Variants in NRXN1 observed in about 807,000 individuals in gnomAD.
The protein encoded by NRXN1 is neurexin-1.
In NRXN1, 39 loss-of-function variants were observed where a neutral mutation model predicts 150.9. That is an observed-to-expected ratio of 0.26 (90% CI 0.20 to 0.34). NRXN1 has a LOEUF of 0.34. Ranked by LOEUF, NRXN1 falls within the 10% of genes least tolerant of loss-of-function variation. NRXN1 has a pLI of 1.00. For synonymous variants in NRXN1, 924 were observed against 757.0 expected, an observed-to-expected ratio of 1.22 and a Z score of -3.62; for missense variants, 1,815 against 1,949.9, an observed-to-expected ratio of 0.93 and a Z score of 1.30.
rs185463837 is a variant in NRXN1 at position 50,673,317 on chromosome 2, A to T, written c.833-49702T>A. Among the ~76,000 whole-genome samples, 5 of 152,256 alleles carry T rather than the reference A, an allele frequency of 3.3e-5. No individual in the cohort carries two copies. The East Asian group carries it at 9.7e-4, about 29-fold the overall frequency. ...TTAGATCTAATTATTTTTTCTACCA[A>T]TACTAGCAAAAAGTGCTTATTTGCT... On this transcript the variant is annotated intron_variant, in intron 5 of 22. Transcript: ENST00000401669.
intron 2 of NRXN1, among the ~76,000 whole-genome samples, chr2:51,005,827 A>G (rs1452988880): frequency 6.6e-6 from 1 of 151,960 alleles, no homozygotes; most frequent in Non-Finnish European, 1.5e-5. Flanking sequence ...TTCCCCCTTG[A>G]AAAGATACAG....
chr2:50,114,277 T>C (rs1333440335), intron 18 of NRXN1, among the ~76,000 whole-genome samples: 2 of 152,084 alleles, frequency 1.3e-5, no homozygotes, highest in Non-Finnish European at 2.9e-5. Context: ...TCATATATCA[T>C]TAAGGAATTG....
intron 5 of NRXN1, among the ~76,000 whole-genome samples, chr2:50,718,725 A>T (rs1479506246): frequency 6.6e-6 from 1 of 152,170 alleles, no homozygotes; most frequent in African/African-American, 2.4e-5. Flanking sequence ...GTGTGTTTGC[A>T]TTCATGTGCC....
At chr2:50,285,781 C>A (rs138909137) in intron 17 of NRXN1, among the ~76,000 whole-genome samples, 111 of 151,792 alleles carry the variant, frequency 7.3e-4, no homozygotes, top group East Asian at 1.6e-3. Context: ...TTCAACTTTA[C>A]GAAATGATCT....
chr2:50,596,798 G>C (rs1224332472), intron 8 of NRXN1, among the ~76,000 whole-genome samples: 1 of 150,208 alleles, frequency 6.7e-6, no homozygotes, highest in Non-Finnish European at 1.5e-5. Flanking sequence ...TAGTCTGCCT[G>C]GAAAATAAAA....
At chr2:50,318,576 T>C (rs920849191) in intron 17 of NRXN1, among the ~76,000 whole-genome samples, 1 of 152,054 alleles carries the variant, frequency 6.6e-6, no homozygotes, top group African/African-American at 2.4e-5. Flanking sequence ...TGTGATTTTT[T>C]TTCACTCAGT....
rs558188643 is a variant in NRXN1 at position 50,525,748 on chromosome 2, T to A, written c.2374+2877A>T. ...TATCTATAGCTGAAAATAAGCTTTT[T>A]TATTTTTAAATGAAAAGAGGCTCTC... is the stretch of plus-strand genomic sequence containing the variant. On this transcript the variant is annotated intron_variant, in intron 12 of 22. Transcript: ENST00000401669. 5.3e-5 allele frequency among the ~76,000 whole-genome samples: 8 copies of A among 152,358 alleles called. No individual in the cohort carries two copies. In the South Asian group the frequency reaches 1.7e-3, roughly 32 times the overall value.
intron 17 of NRXN1, among the ~76,000 whole-genome samples, chr2:50,386,649 C>T (rs948788440): frequency 2.0e-5 from 3 of 152,090 alleles, no homozygotes; most frequent in African/African-American, 7.2e-5. Flanking sequence ...CTTATGCCCC[C>T]TTGCAACTTC....
At chr2:50,230,352 A>T (rs535240683) in intron 18 of NRXN1, among the ~76,000 whole-genome samples, 1 of 152,216 alleles carries the variant, frequency 6.6e-6, no homozygotes, top group South Asian at 2.1e-4. Context: ...AAATGGGAAA[A>T]ATGGACACGA....
Position 50,346,904 on chromosome 2 carries a change from CGGGCGA to C in NRXN1, c.3365-109940_3365-109935del. The C allele has an allele frequency of 1.6e-6, 2 of 1,283,924 alleles. No individual in the cohort carries two copies. The highest frequency in any genetic ancestry group is 9.8e-7 in the Non-Finnish European group (1 of 1,017,188). 79.5% of individuals were successfully genotyped at this position (1,283,924 alleles called of 1,614,324 possible). On this transcript the variant is annotated intron_variant, in intron 17 of 22. Transcript: ENST00000401669. This position sits in a 1 kb window ranked among gnomAD's most constrained non-coding sequence, Gnocchi z 5.0. ...CCGCCGCCGCCGCCGCCGCCGCCCC[CGGGCGA>C]GCCCAGCTCGGCGCCGCACCGGAGC...
intron 17 of NRXN1, among the ~76,000 whole-genome samples, chr2:50,265,998 A>ATTAT (rs2068806950): frequency 9.1e-6 from 1 of 109,952 alleles, no homozygotes; most frequent in African/African-American, 3.6e-5. Flanking sequence ...TATTATTATT[A>ATTAT]TTTATTTTTT....
At chr2:50,015,261 T>C (rs1480893833) in intron 21 of NRXN1, among the ~76,000 whole-genome samples, 3 of 152,118 alleles carry the variant, frequency 2.0e-5, no homozygotes, top group East Asian at 1.9e-4. Flanking sequence ...GCACACTTTA[T>C]GATTAGAGCT....
At chr2:50,642,745 G>C (rs1321227840) in intron 5 of NRXN1, among the ~76,000 whole-genome samples, 1 of 151,950 alleles carries the variant, frequency 6.6e-6, no homozygotes, top group Non-Finnish European at 1.5e-5. Flanking sequence ...AAAATATGCA[G>C]AGTTAAGCGT....
intron 9 of NRXN1, among the ~76,000 whole-genome samples, chr2:50,544,311 A>T (rs185781932): frequency 0.021 from 3,205 of 152,186 alleles, 42 homozygotes; most frequent in Middle Eastern, 0.034. Flanking sequence ...AAATAATTTT[A>T]AAAAAGAACC....
chr2:49,925,374 T>C (rs1668929814), intron 22 of NRXN1, among the ~76,000 whole-genome samples: 1 of 151,972 alleles, frequency 6.6e-6, no homozygotes, highest in African/African-American at 2.4e-5. Context: ...GATTTAAATA[T>C]ATTCATGAAT....
At chr2:50,227,556 G>A (rs1559130129) in intron 18 of NRXN1, among the ~76,000 whole-genome samples, 1 of 151,994 alleles carries the variant, frequency 6.6e-6, no homozygotes, top group African/African-American at 2.4e-5. Flanking sequence ...AACATTATCA[G>A]CCAGGTATGT....
At chr2:50,021,657 G>T (rs552454774) in intron 21 of NRXN1, among the ~76,000 whole-genome samples, 3 of 149,268 alleles carry the variant, frequency 2.0e-5, no homozygotes, top group Non-Finnish European at 4.4e-5. Context: ...CTTTAGTGCT[G>T]TCTTTCTAGA....
At chr2:50,483,082 G>A (rs529106662) in intron 15 of NRXN1, among the ~76,000 whole-genome samples, 9 of 145,478 alleles carry the variant, frequency 6.2e-5, no homozygotes, top group Middle Eastern at 3.6e-3. Flanking sequence ...AAGGAATCTG[G>A]CCACCAAAAC....
At chr2:50,556,697 G>A (rs1161728253) in intron 8 of NRXN1, among the ~76,000 whole-genome samples, 1 of 152,022 alleles carries the variant, frequency 6.6e-6, no homozygotes, top group Non-Finnish European at 1.5e-5. Flanking sequence ...CAATCACTGA[G>A]TATTATCTTT....
Sources: allele counts gnomAD v4.1 joint callset (sites outside exome capture counted in the v4.1 genomes callset), GRCh38; gene constraint gnomAD v4.1.1; non-coding constraint Gnocchi (gnomAD v3.1); transcripts MANE v1.5; gene names NCBI Gene and HGNC (gene_info 2026-07-23, HGNC 2026-07-21).